NFE2L1: variants seen among roughly 807,000 people sequenced by gnomAD.
NFE2L1 encodes NFE2 like bZIP transcription factor 1, also known as endoplasmic reticulum membrane sensor NFE2L1.
NFE2L1 carries 18 observed loss-of-function variants against 61.6 expected under a neutral mutation model. The observed-to-expected ratio is 0.29, with a 90% CI of 0.20 to 0.43. The LOEUF (loss-of-function observed/expected upper bound fraction) is 0.43, where lower values mean the gene tolerates loss of function less well. Among genes scored for constraint, NFE2L1 ranks in the 20% least tolerant of loss-of-function variants. The probability of loss-of-function intolerance (pLI) is 1.00; values close to 1 mark genes in which losing one functional copy is unlikely to be tolerated. For missense variants in NFE2L1, 827 were observed against 973.5 expected, an observed-to-expected ratio of 0.85 and a Z score of 2.00; for synonymous variants, 419 against 402.7, an observed-to-expected ratio of 1.04 and a Z score of -0.48.
At chr17:48,052,284 C>A (rs994996108) in intron 2 of NFE2L1, among the ~76,000 whole-genome samples, 1 of 152,206 alleles carries the variant, frequency 6.6e-6, no homozygotes, top group Non-Finnish European at 1.5e-5. Flanking sequence ...ATCCTTAGCT[C>A]TTGTCACATG....
chr17:48,052,034 A>G (rs554790209), intron 2 of NFE2L1, among the ~76,000 whole-genome samples: 33 of 152,278 alleles, frequency 2.2e-4, no homozygotes, highest in Non-Finnish European at 3.5e-4. Flanking sequence ...ATCAGAACAC[A>G]GACATACCCT....
Position 48,051,413 on chromosome 17 carries a change from G to A in NFE2L1, c.295G>A (p.Glu99Lys). The A allele has an allele frequency of 6.2e-7, 1 of 1,614,222 alleles. No homozygotes were observed. The highest frequency in any genetic ancestry group is 8.5e-7 in the Non-Finnish European group (1 of 1,180,038). The change falls in exon 2 of 6, where the codon GAG (glutamate) becomes AAG (lysine). Residue 99 changes from glutamate (E) to lysine (K), a missense_variant. Physicochemically the swap from Glu to Lys is moderately conservative, Grantham distance 56 (BLOSUM62 1). Around this residue, in one of 3 missense-constraint regions of NFE2L1, gnomAD observed 667 missense variants for 748.4 expected, o/e 0.89. Transcript: ENST00000362042. ...GGACAGGTTCCAGGTGCCAACCACTGAGGTAAATGCCTGGCTGGTTCACCG... is the reference window on the plus strand; with the variant it reads ...GGACAGGTTCCAGGTGCCAACCACTAAGGTAAATGCCTGGCTGGTTCACCG... Reference protein sequence around the residue: ...ALDRFQVPTTEVNAWLVHRDP... With the variant: ...ALDRFQVPTTKVNAWLVHRDP...
chr17:48,052,036 A>G (rs958524952), intron 2 of NFE2L1, among the ~76,000 whole-genome samples: 1 of 152,134 alleles, frequency 6.6e-6, no homozygotes, highest in Admixed American at 6.5e-5. Flanking sequence ...CAGAACACAG[A>G]CATACCCTGA....
Position 48,056,610 on chromosome 17 carries a change from C to CCTGCTCA in NFE2L1, c.723+16_723+22dup, listed in dbSNP as rs760515479. Reference sequence around the variant, plus strand: ...GCTTCCCTGCACAGGTACCATCGCCCCTGCTCACTGGGCTCTCTTCTTGTC... The same window carrying CCTGCTCA: ...GCTTCCCTGCACAGGTACCATCGCCCCTGCTCACTGCTCACTGGGCTCTCTTCTTGTC... On this transcript the variant is annotated intron_variant, in intron 3 of 5. Transcript: ENST00000362042. 1.6e-5 allele frequency: 25 copies of CCTGCTCA among 1,611,650 alleles called. No individual in the cohort carries two copies. Among genetic ancestry groups the CCTGCTCA allele is most frequent in the Non-Finnish European group, 1.9e-5 (23 of 1,179,526 alleles).
intron 4 of NFE2L1, 21 bp downstream of exon 4, chr17:48,057,142 A>G (rs1369689723): frequency 6.2e-7 from 1 of 1,611,258 alleles, no homozygotes; most frequent in Non-Finnish European, 8.5e-7. Flanking sequence ...CTCCAGTGAG[A>G]GTCCACCAAG....
intron 3 of NFE2L1, 36 bp from the exon 4 acceptor site, chr17:48,056,996 C>T: frequency 6.2e-7 from 1 of 1,608,846 alleles, no homozygotes; most frequent in East Asian, 2.2e-5. Context: ...CAGCCAAGGC[C>T]CAGGTCAATC....
rs777130360 is a variant in NFE2L1 at position 48,057,105 on chromosome 17, T to C, written c.797T>C (p.Phe266Ser). 3 of 1,613,380 alleles carry C rather than the reference T, an allele frequency of 1.9e-6. No individual in the cohort carries two copies. The highest frequency in any genetic ancestry group is 2.5e-6 in the Non-Finnish European group (3 of 1,179,892). The change falls in exon 4 of 6, where the codon TTT becomes TCT. Residue 266 changes from phenylalanine (F) to serine (S), a missense_variant. Around this residue, in one of 3 missense-constraint regions of NFE2L1, gnomAD observed 667 missense variants for 748.4 expected, o/e 0.89. Coordinates refer to ENST00000362042, the MANE Select transcript of NFE2L1 (RefSeq NM_003204.3). ...AGGCTGCTGGAAGCCACCTGCCCCTTTGGGGAGAATGCTGAGGTGAGCAGG... is the reference window on the plus strand; with the variant it reads ...AGGCTGCTGGAAGCCACCTGCCCCTCTGGGGAGAATGCTGAGGTGAGCAGG... ...CLRLLEATCP[F>S]GENAEFPADI...
At position 48,051,618 on chromosome 17, in the gene NFE2L1, T is replaced by A; in HGVS notation, c.500T>A (p.Leu167Ter). 6.2e-7 allele frequency: 1 copy of A among 1,612,230 alleles called. No homozygotes were observed. The highest frequency in any genetic ancestry group is 8.5e-7 in the Non-Finnish European group (1 of 1,178,990). Residue 167 changes from leucine (L) to a stop codon, truncating the protein, a stop_gained, in exon 2 of 6, where the codon TTA becomes TAA. Transcript: ENST00000362042. LOFTEE classifies it high-confidence loss of function. ...GAVAPPVSGD[L>*]TKEDIDLIDI... ...GTAGCCCCCCCAGTCAGTGGAGACT[T>A]AACCAAAGAGGTTAGTGGACCTGTG...
chr17:48,055,178 G>T, intron 2 of NFE2L1: 1 of 1,291,076 alleles, frequency 7.7e-7, no homozygotes, highest in Non-Finnish European at 1.0e-6. Context: ...GACTAAAGTA[G>T]TACGTCTGGG....
chr17:48,052,685 C>A (rs1034531699), intron 2 of NFE2L1, among the ~76,000 whole-genome samples: 3 of 152,180 alleles, frequency 2.0e-5, no homozygotes, highest in Non-Finnish European at 4.4e-5. Context: ...TGGTCCTCAA[C>A]TGGGGGTGAT....
At chr17:48,050,253 C>G (rs1311465167) in intron 1 of NFE2L1, among the ~76,000 whole-genome samples, 8 of 152,184 alleles carry the variant, frequency 5.3e-5, no homozygotes, top group African/African-American at 1.9e-4. Flanking sequence ...CCGAGGCGGG[C>G]AGATCACCTG....
Position 48,056,481 on chromosome 17 carries a change from T to C in NFE2L1, c.606T>C (p.Asp202=), listed in dbSNP as rs2144380341. The part of the protein sequence containing the change: ...FDYSHRQKEQ[D]VEKELRDGGE... Reference sequence around the variant, plus strand: ...ATAGTCACCGCCAGAAGGAGCAGGATGTGGAGAAGGAGCTGCGAGATGGAG... The same window carrying C: ...ATAGTCACCGCCAGAAGGAGCAGGACGTGGAGAAGGAGCTGCGAGATGGAG... The change falls in exon 3 of 6, where the codon GAT becomes GAC. Residue 202 remains aspartate, a synonymous_variant. Transcript: ENST00000362042. 6.2e-7 allele frequency: 1 copy of C among 1,614,032 alleles called. No individual in the cohort carries two copies. The highest frequency in any genetic ancestry group is 8.5e-7 in the Non-Finnish European group (1 of 1,179,988).
At chr17:48,054,882 G>A (rs763351447) in intron 2 of NFE2L1, 2 of 1,362,694 alleles carry the variant, frequency 1.5e-6, no homozygotes, top group African/African-American at 1.5e-5. Context: ...GCACGGGCGG[G>A]GCACCCTCCT....
rs952315823 is a variant in NFE2L1 at position 48,053,907 on chromosome 17, A to G, written c.510+2279A>G. ...CCTGTCTCCCTAAGTATGGGGCTTC[A>G]GGGTTGTGTCTCCCCTCCTCTTGCT... is the stretch of plus-strand genomic sequence containing the variant. On this transcript the variant is annotated intron_variant, in intron 2 of 5. Coordinates refer to ENST00000362042, the MANE Select transcript of NFE2L1 (RefSeq NM_003204.3). Among the ~76,000 whole-genome samples, 3 of 152,286 alleles carry G rather than the reference A, an allele frequency of 2.0e-5. No homozygotes were observed. The East Asian group carries it at 5.8e-4, about 29-fold the overall frequency.
At chr17:48,054,551 A>T in intron 2 of NFE2L1, 2 of 1,163,952 alleles carry the variant, frequency 1.7e-6, no homozygotes, top group Non-Finnish European at 2.1e-6. Context: ...CCAGCTGCTG[A>T]CCTGGGGGAG....
Position 48,056,496 on chromosome 17 carries a change from G to T in NFE2L1, c.621G>T (p.Leu207=). The T allele has an allele frequency of 6.2e-7, 1 of 1,614,226 alleles. No individual in the cohort carries two copies. ...RQKEQDVEKE[L]RDGGEQDTWA... is the part of the protein sequence containing the mutation. ...AGGAGCAGGATGTGGAGAAGGAGCT[G>T]CGAGATGGAGGCGAGCAGGACACCT... The change falls in exon 3 of 6, where the codon CTG becomes CTT. Residue 207 remains leucine (L), a synonymous_variant. Transcript: ENST00000362042.
intron 2 of NFE2L1, chr17:48,056,152 A>G: frequency 1.7e-6 from 1 of 591,394 alleles, no homozygotes; most frequent in Non-Finnish European, 3.0e-6. Context: ...GGTGATAGTC[A>G]CACTAATGGT....
At position 48,058,547 on chromosome 17, in the gene NFE2L1, G is replaced by A. The variant is rs1416389637; in HGVS notation, c.1225G>A (p.Gly409Ser). 1.6e-5 allele frequency: 26 copies of A among 1,613,372 alleles called. No individual in the cohort carries two copies. The highest frequency in any genetic ancestry group is 1.9e-5 in the Non-Finnish European group (22 of 1,179,644). ...TTCTACCAGCCTCAACTCCACCTTC[G>A]GCTCCACCAACCTGACAGGGCTCTT... ...SNSTSLNSTF[G>S]STNLTGLFFP... The change falls in exon 6 of 6, where the codon GGC becomes AGC. Residue 409 changes from glycine to serine, a missense_variant. Gly to Ser is a moderately conservative substitution (Grantham distance 56). This residue lies in a region of NFE2L1 where 667 missense variants were observed against 748.4 expected (regional missense o/e 0.89). Coordinates refer to ENST00000362042, the MANE Select transcript of NFE2L1 (RefSeq NM_003204.3).
Position 48,056,617 on chromosome 17 carries a change from A to G in NFE2L1, c.723+19A>G, listed in dbSNP as rs368943741. On this transcript the variant is annotated intron_variant, in intron 3 of 5. Transcript: ENST00000362042. ...TGCACAGGTACCATCGCCCCTGCTC[A>G]CTGGGCTCTCTTCTTGTCCCTACTA... 98 of 1,610,452 alleles carry G rather than the reference A, an allele frequency of 6.1e-5. No homozygotes were observed. Among genetic ancestry groups the G allele is most frequent in the Non-Finnish European group, 8.0e-5 (94 of 1,178,654 alleles).
Sources: gnomAD v4.1 joint callset for allele counts (sites outside exome capture counted in the v4.1 genomes callset) on GRCh38, gnomAD v4.1.1 for gene constraint, gnomAD v4.1.1 regional missense constraint, MANE v1.5 for transcripts, NCBI Gene and HGNC (gene_info 2026-07-23, HGNC 2026-07-21) for gene names.